Variants in GSS observed in about 807,000 individuals in gnomAD.
The protein encoded by GSS is glutathione synthetase.
A neutral mutation model predicts 60.4 loss-of-function variants in GSS; 34 were observed. The ratio of observed to expected loss-of-function variants is 0.56; its 90% CI spans 0.43 to 0.75. GSS has a LOEUF of 0.75. Among genes scored for constraint, GSS ranks in the 30% least tolerant of loss-of-function variants. The probability of loss-of-function intolerance (pLI) is 0.00; values close to 1 mark genes in which losing one functional copy is unlikely to be tolerated. For missense variants in GSS, 499 were observed against 595.1 expected, an observed-to-expected ratio of 0.84 and a Z score of 1.68; for synonymous variants, 224 against 239.0, an observed-to-expected ratio of 0.94 and a Z score of 0.58.
chr20:34,929,442 G>A lies in GSS; in HGVS notation c.1260C>T (p.Val420=), dbSNP rs369657861. Residue 420 remains valine (V), a synonymous_variant, in exon 12 of 13, where the codon GTC becomes GTT. Coordinates refer to ENST00000651619, the MANE Select transcript of GSS (RefSeq NM_000178.4). ...AGATGCCCAGCTCTGAAATGCACTG[G>A]ACCACTCGGGCAGGGCTGCCAGGCC... The part of the protein sequence containing the change: ...LLRPGSPARV[V]QCISELGIFG... The A allele has an allele frequency of 5.6e-6, 9 of 1,614,020 alleles. No homozygotes were observed. The highest frequency in any genetic ancestry group is 3.3e-4 in the Middle Eastern group (2 of 6,082).
intron 11 of GSS, 59 bp from the exon 12 acceptor site, chr20:34,929,649 C>T: frequency 6.7e-7 from 1 of 1,493,038 alleles, no homozygotes; most frequent in Non-Finnish European, 9.3e-7. Context: ...ATCCCATGCC[C>T]TCACTTTTGG....
chr20:34,945,667 A>T (rs1255388845), intron 3 of GSS, among the ~76,000 whole-genome samples: 1 of 33,716 alleles, frequency 3.0e-5, no homozygotes, highest in Non-Finnish European at 5.4e-5. Flanking sequence ...CGGATTACAG[A>T]ATGTCAACAA....
chr20:34,951,786 C>A lies in GSS; in HGVS notation c.67G>T (p.Val23Leu), dbSNP rs1254809520. The change falls in exon 2 of 13, where the codon GTG becomes TTG. Residue 23 changes from valine (V) to leucine (L), a missense_variant. Transcript: ENST00000651619. Reference protein sequence around the residue: ...QQLEELARQAVDRALAEGVLL... With the variant: ...QQLEELARQALDRALAEGVLL... ...ACTCCCTCAGCCAGGGCCCGGTCCA[C>A]GGCCTGCCGTGCCAGCTCCTCTAGC... 1 of 1,614,024 alleles carries A rather than the reference C, an allele frequency of 6.2e-7. No homozygotes were observed. The highest frequency in any genetic ancestry group is 8.5e-7 in the Non-Finnish European group (1 of 1,179,958).
At position 34,928,811 on chromosome 20, in the gene GSS, G is replaced by A. The variant is rs190313704; in HGVS notation, c.*17C>T. 65 of 1,613,940 alleles carry A rather than the reference G, an allele frequency of 4.0e-5. No individual in the cohort carries two copies. The highest frequency in any genetic ancestry group is 3.3e-4 in the East Asian group (15 of 44,886). On this transcript the variant is annotated 3_prime_UTR_variant, in exon 13 of 13. Transcript: ENST00000651619. Reference sequence around the variant, plus strand: ...ACAAATACAGAGGATAGAAGGTCCCGTGGCCTGGTTGTGCCCTCACACAGG... The same window carrying A: ...ACAAATACAGAGGATAGAAGGTCCCATGGCCTGGTTGTGCCCTCACACAGG...
Position 34,928,712 on chromosome 20 carries a change from C to A in GSS, c.*116G>T. 1 of 1,142,582 alleles carries A rather than the reference C, an allele frequency of 8.8e-7. No homozygotes were observed. The highest frequency in any genetic ancestry group is 1.3e-5 in the South Asian group (1 of 77,076). 70.8% of individuals were successfully genotyped at this position (1,142,582 alleles called of 1,614,324 possible). A position where few individuals can be genotyped will look rare whatever the true frequency, so the allele number is the denominator to read the frequency against. ...TCAGATGGAAAGCTGGGGGAAGGTA[C>A]CAGTATTTACCCTTCCATAAAAACT... On this transcript the variant is annotated 3_prime_UTR_variant, in exon 13 of 13. Coordinates refer to ENST00000651619, the MANE Select transcript of GSS (RefSeq NM_000178.4).
At chr20:34,948,165 A>G (rs1176965529) in intron 2 of GSS, among the ~76,000 whole-genome samples, 1 of 152,186 alleles carries the variant, frequency 6.6e-6, no homozygotes, top group East Asian at 1.9e-4. Context: ...TTGTGAGAAT[A>G]AGGTTTATTC....
At chr20:34,948,790 A>T (rs2081542684) in intron 2 of GSS, among the ~76,000 whole-genome samples, 2 of 151,754 alleles carry the variant, frequency 1.3e-5, no homozygotes, top group Admixed American at 6.6e-5. Flanking sequence ...CTCAAAAAAA[A>T]AAAAAGAAAC....
At chr20:34,931,663 T>G (rs1303009716) in intron 10 of GSS, 3 of 624,260 alleles carry the variant, frequency 4.8e-6, no homozygotes, top group African/African-American at 1.8e-5. Flanking sequence ...CCTGATACAC[T>G]TCTCAATTCT....
At chr20:34,932,894 G>A (rs1356275459) in intron 9 of GSS, among the ~76,000 whole-genome samples, 1 of 151,692 alleles carries the variant, frequency 6.6e-6, no homozygotes, top group Non-Finnish European at 1.5e-5. Flanking sequence ...CACCCAGACT[G>A]GAGTGCAACA....
At chr20:34,935,514 G>A (rs950428659) in intron 9 of GSS, 62 bp downstream of exon 9, 5 of 1,096,818 alleles carry the variant, frequency 4.6e-6, no homozygotes, top group Non-Finnish European at 7.1e-6. Flanking sequence ...GCCTGAATTG[G>A]GTCTCTGTGG....
chr20:34,947,506 C>T (rs1004294019), intron 2 of GSS, among the ~76,000 whole-genome samples: 4 of 152,208 alleles, frequency 2.6e-5, no homozygotes, highest in Admixed American at 2.0e-4. Flanking sequence ...GGGGAAAAGA[C>T]TGGGCCCCAG....
Position 34,929,467 on chromosome 20 carries a change from C to T in GSS, c.1235G>A (p.Arg412Gln). ...GACCACTCGGGCAGGGCTGCCAGGC[C>T]GTAGCAGGCAATTCTCAAAAGGCTC... ...EPEPFENCLL[R>Q]PGSPARVVQC... Residue 412 changes from arginine to glutamine, a missense_variant, in exon 12 of 13, where the codon CGG (arginine) becomes CAG (glutamine). Arg to Gln is a conservative substitution (Grantham distance 43, BLOSUM62 1). Transcript: ENST00000651619. 5.6e-6 allele frequency: 9 copies of T among 1,614,092 alleles called. No homozygotes were observed. The highest frequency in any genetic ancestry group is 7.6e-6 in the Non-Finnish European group (9 of 1,179,948).
rs772037661 is a variant in GSS at position 34,931,335 on chromosome 20, C to T, written c.1111+1G>A. 4 of 1,611,448 alleles carry T rather than the reference C, an allele frequency of 2.5e-6. No individual in the cohort carries two copies. Among genetic ancestry groups the T allele is most frequent in the Non-Finnish European group, 3.4e-6 (4 of 1,177,520 alleles). ...AGCCCTGCAAAGGGAGATCCACCTA[C>T]CTCCACCCTCTCTCTGGGGCTTTAG... is the stretch of plus-strand genomic sequence containing the variant. On this transcript the variant is annotated splice_donor_variant, in intron 11 of 12. Coordinates refer to ENST00000651619, the MANE Select transcript of GSS (RefSeq NM_000178.4). LOFTEE classifies it high-confidence loss of function.
At chr20:34,951,984 G>A in intron 1 of GSS, 124 bp from the exon 2 acceptor site, 1 of 919,656 alleles carries the variant, frequency 1.1e-6, no homozygotes, top group Non-Finnish European at 1.7e-6. Flanking sequence ...GAACAGCGTG[G>A]TATACAGGAG....
At chr20:34,936,620 C>T (rs1854431213) in intron 8 of GSS, 143 bp downstream of exon 8, 1 of 804,590 alleles carries the variant, frequency 1.2e-6, no homozygotes, top group Admixed American at 1.7e-5. Context: ...TCCAAAATTT[C>T]CTGGGAGGAT....
intron 2 of GSS, among the ~76,000 whole-genome samples, chr20:34,948,948 A>G (rs1391655858): frequency 5.3e-5 from 8 of 152,170 alleles, no homozygotes; most frequent in Admixed American, 5.2e-4. Flanking sequence ...TGCTCTAGCC[A>G]ATTGTTGCCA....
At chr20:34,955,155 C>G (rs570174906) in intron 1 of GSS, 1 of 152,384 alleles carries the variant, frequency 6.6e-6, no homozygotes, top group Non-Finnish European at 1.5e-5. Context: ...CTACATTCTA[C>G]AGCCCATCAC....
Position 34,929,428 on chromosome 20 carries a change from TC to T in GSS, c.1273del (p.Glu425SerfsTer16). 6.2e-7 allele frequency: 1 copy of T among 1,614,056 alleles called. No homozygotes were observed. The highest frequency in any genetic ancestry group is 8.5e-7 in the Non-Finnish European group (1 of 1,179,936). The part of the protein sequence containing the change: ...SPARVVQCIS[E>X]LGIFGVYVRQ... ...GACATAGACCCCAAAGATGCCCAGC[TC>T]TGAAATGCACTGGACCACTCGGGCA... is the stretch of plus-strand genomic sequence containing the variant. On this transcript the variant is annotated frameshift_variant, in exon 12 of 13. Transcript: ENST00000651619. LOFTEE classifies it high-confidence loss of function.
At chr20:34,929,679 C>A (rs1157823180) in intron 11 of GSS, 89 bp from the exon 12 acceptor site, 4 of 1,144,784 alleles carry the variant, frequency 3.5e-6, no homozygotes, top group Non-Finnish European at 5.3e-6. Context: ...GGCAAGTCAG[C>A]AGCCTCAGTT....
Sources: gnomAD v4.1 joint callset for allele counts (sites outside exome capture counted in the v4.1 genomes callset) on GRCh38, gnomAD v4.1.1 for gene constraint, MANE v1.5 for transcripts, NCBI Gene and HGNC (gene_info 2026-07-23, HGNC 2026-07-21) for gene names.